SPEN: variants seen among roughly 807,000 people sequenced by gnomAD.
The protein encoded by SPEN is spen family transcriptional repressor, also known as msx2-interacting protein.
In SPEN, 18 loss-of-function variants were observed where a neutral mutation model predicts 269.9. The observed-to-expected ratio is 0.07, with a 90% CI of 0.05 to 0.10. The LOEUF (loss-of-function observed/expected upper bound fraction) is 0.10, where lower values mean the gene tolerates loss of function less well. SPEN is among the 10% of genes least tolerant of loss of function. The pLI is 1.00. For synonymous variants in SPEN, 1,726 were observed against 1,765.7 expected (o/e 0.98, Z 0.56); for missense variants, 3,822 against 4,631.2 (o/e 0.83, Z 5.07).
rs1458552529 is a variant in SPEN at position 15,928,853 on chromosome 1, C to T, written c.2613C>T (p.Arg871=). 2 of 1,614,052 alleles carry T rather than the reference C, an allele frequency of 1.2e-6. No homozygotes were observed. The highest frequency in any genetic ancestry group is 1.7e-6 in the Non-Finnish European group (2 of 1,179,976). ...ACAAAGAGGGAATAGCGAAAAACCG[C>T]CTGGAACTCATGCCTTGCGTGGTTT... ...KADKEGIAKN[R]LELMPCVVLT... The change falls in exon 11 of 15, where the codon CGC becomes CGT. Residue 871 remains arginine (R), a synonymous_variant. Coordinates refer to ENST00000375759, the MANE Select transcript of SPEN (RefSeq NM_015001.3). The surrounding 1 kb of genome is among the most constrained non-coding windows in gnomAD (Gnocchi z 5.7).
chr1:15,937,587 A>T lies in SPEN; in HGVS notation c.10451A>T (p.Gln3484Leu). 1 of 1,614,094 alleles carries T rather than the reference A, an allele frequency of 6.2e-7. No individual in the cohort carries two copies. The highest frequency in any genetic ancestry group is 1.1e-5 in the South Asian group (1 of 91,080). Residue 3484 changes from glutamine to leucine, a missense_variant, in exon 12 of 15, where the codon CAA (glutamine) becomes CTA (leucine). This residue lies in a region of SPEN where 359 missense variants were observed against 377.3 expected (regional missense o/e 0.95). Coordinates refer to ENST00000375759, the MANE Select transcript of SPEN (RefSeq NM_015001.3). This position sits in a 1 kb window ranked among gnomAD's most constrained non-coding sequence, Gnocchi z 5.7. ...ACTGAATTCCAGCCAGCCCCCAAAC[A>T]AGATTCCTCTCCACACCTGACTTCC... ...PHTEFQPAPK[Q>L]DSSPHLTSQR...
At position 15,848,108 on chromosome 1, in the gene SPEN, C is replaced by T; in HGVS notation, c.41C>T (p.Pro14Leu). ...ETRHLWVGNL[P>L]ENVREEKIIE... ...AGGCATCTCTGGGTGGGCAACTTAC[C>T]CGAGAACGTGCGGGAAGAGAAGATC... The change falls in exon 1 of 15, where the codon CCC becomes CTC. Residue 14 changes from proline (P) to leucine (L), a missense_variant. Transcript: ENST00000375759. This position sits in a 1 kb window ranked among gnomAD's most constrained non-coding sequence, Gnocchi z 5.1. 1 of 1,497,128 alleles carries T rather than the reference C, an allele frequency of 6.7e-7. No individual in the cohort carries two copies. The highest frequency in any genetic ancestry group is 1.4e-5 in the African/African-American group (1 of 69,562). 92.7% of individuals were successfully genotyped at this position (1,497,128 alleles called of 1,614,324 possible).
intron 3 of SPEN, among the ~76,000 whole-genome samples, chr1:15,903,337 A>G (rs952898742): frequency 1.1e-4 from 17 of 152,226 alleles, no homozygotes; most frequent in Non-Finnish European, 1.5e-5. Context: ...AATAATCTTA[A>G]TTACAAATTA....
At position 15,916,113 on chromosome 1, in the gene SPEN, C is replaced by T. The variant is rs2071064969; in HGVS notation, c.1244-15C>T. 1 of 1,605,166 alleles carries T rather than the reference C, an allele frequency of 6.2e-7. No homozygotes were observed. The highest frequency in any genetic ancestry group is 8.5e-7 in the Non-Finnish European group (1 of 1,177,074). On this transcript the variant is annotated splice_polypyrimidine_tract_variant and intron_variant, in intron 5 of 14. Transcript: ENST00000375759. ...ACTGTCTTCTCTTTTTACTCGGCCC[C>T]CATTCCACTTACAGAAACAGAAAGT...
At chr1:15,919,134 CTTA>C (rs2071092098) in intron 7 of SPEN, 83 bp downstream of exon 7, 11 of 1,219,674 alleles carry the variant, frequency 9.0e-6, no homozygotes, top group Non-Finnish European at 1.3e-5. Context: ...TTGCATATGC[CTTA>C]TTATTTAAGA....
intron 4 of SPEN, among the ~76,000 whole-genome samples, chr1:15,910,817 G>A (rs190175659): frequency 1.3e-5 from 2 of 152,026 alleles, no homozygotes; most frequent in East Asian, 1.9e-4. Flanking sequence ...CAATAATCTC[G>A]AAACCGTGTT....
intron 11 of SPEN, among the ~76,000 whole-genome samples, chr1:15,936,911 A>C (rs902038897): frequency 3.3e-5 from 5 of 152,164 alleles, no homozygotes; most frequent in Admixed American, 1.3e-4. Context: ...ATTAGATCAC[A>C]TCATGGGGAG....
chr1:15,939,420 C>A lies in SPEN; in HGVS notation c.10988C>A (p.Ser3663Tyr), dbSNP rs1238043479. ...ISPHLMIVIASV is the reference protein window; with the variant it reads ...ISPHLMIVIAYV ...CCCCACCTCATGATTGTCATTGCCT[C>A]CGTGTGAGCCACTGAGTGGTTATCA... is the stretch of plus-strand genomic sequence containing the variant. Residue 3663 changes from serine (S) to tyrosine (Y), a missense_variant, in exon 15 of 15, where the codon TCC becomes TAC. By Grantham distance (144) the Ser-to-Tyr change is moderately radical. This residue lies in a region of SPEN where 103 missense variants were observed against 215.8 expected (regional missense o/e 0.48). Coordinates refer to ENST00000375759, the MANE Select transcript of SPEN (RefSeq NM_015001.3). The surrounding 1 kb of genome is among the most constrained non-coding windows in gnomAD (Gnocchi z 4.1). The A allele has an allele frequency of 6.3e-7, 1 of 1,594,024 alleles. No homozygotes were observed. The highest frequency in any genetic ancestry group is 8.5e-7 in the Non-Finnish European group (1 of 1,170,250).
At chr1:15,887,568 T>G (rs888051320) in intron 3 of SPEN, among the ~76,000 whole-genome samples, 1 of 151,620 alleles carries the variant, frequency 6.6e-6, no homozygotes, top group African/African-American at 2.4e-5. Context: ...GTGCTGGGAT[T>G]ACAGGCGTGA....
At position 15,929,624 on chromosome 1, in the gene SPEN, C is replaced by T. The variant is rs140864111; in HGVS notation, c.3384C>T (p.Asp1128=). 216 of 1,614,078 alleles carry T rather than the reference C, an allele frequency of 1.3e-4. No individual in the cohort carries two copies. In the African/African-American group the frequency reaches 2.4e-3, roughly 18 times the overall value. ...ATGATCAAGGACCAGAGAGAGAAGA[C>T]GTTAGGAAAAACTATTGCAGTCTTC... ...VLDDQGPERE[D]VRKNYCSLRD... Residue 1128 remains aspartate, a synonymous_variant, in exon 11 of 15, where the codon GAC becomes GAT. Coordinates refer to ENST00000375759, the MANE Select transcript of SPEN (RefSeq NM_015001.3). The surrounding 1 kb of genome is among the most constrained non-coding windows in gnomAD (Gnocchi z 5.8).
At chr1:15,864,336 G>C (rs925657509) in intron 1 of SPEN, among the ~76,000 whole-genome samples, 1 of 151,962 alleles carries the variant, frequency 6.6e-6, no homozygotes, top group South Asian at 2.1e-4. Context: ...GCCTGGCTAA[G>C]TTTTGTACTT....
intron 3 of SPEN, among the ~76,000 whole-genome samples, chr1:15,908,109 C>T (rs1385966295): frequency 5.3e-5 from 8 of 152,120 alleles, no homozygotes; most frequent in Admixed American, 4.6e-4. Flanking sequence ...TTAAAAATTG[C>T]ACCTACCTGG....
intron 5 of SPEN, among the ~76,000 whole-genome samples, chr1:15,914,693 G>A (rs957144257): frequency 3.3e-5 from 5 of 152,144 alleles, no homozygotes; most frequent in African/African-American, 9.6e-5. Flanking sequence ...GCATGATGGC[G>A]GGCACCTGTA....
intron 2 of SPEN, 100 bp downstream of exon 2, chr1:15,873,236 A>T (rs1329947302): frequency 7.0e-7 from 1 of 1,432,004 alleles, no homozygotes; most frequent in African/African-American, 1.4e-5. Flanking sequence ...AGTTTTGGGC[A>T]TTCTCAATGT....
At chr1:15,936,851 G>A (rs2071280036) in intron 11 of SPEN, among the ~76,000 whole-genome samples, 1 of 152,182 alleles carries the variant, frequency 6.6e-6, no homozygotes, top group African/African-American at 2.4e-5. Context: ...CCCTAAAGAT[G>A]TTGATCTTTT....
At chr1:15,891,189 A>G (rs146393835) in intron 3 of SPEN, among the ~76,000 whole-genome samples, 3 of 152,222 alleles carry the variant, frequency 2.0e-5, no homozygotes, top group Admixed American at 1.3e-4. Flanking sequence ...AATAATTGCT[A>G]TGAAAAAAAT....
At chr1:15,864,403 C>A (rs1376652587) in intron 1 of SPEN, among the ~76,000 whole-genome samples, 17 of 150,696 alleles carry the variant, frequency 1.1e-4, no homozygotes, top group African/African-American at 4.1e-4. Context: ...CTCCTGACCT[C>A]AAGTGATCTG....
chr1:15,851,484 TTTAG>T (rs1407805769), intron 1 of SPEN, among the ~76,000 whole-genome samples: 1 of 152,156 alleles, frequency 6.6e-6, no homozygotes, highest in Non-Finnish European at 1.5e-5. Context: ...GTTCCTGTCT[TTTAG>T]TTATGAGAGG....
intron 3 of SPEN, among the ~76,000 whole-genome samples, chr1:15,891,649 C>CTTGTTTT (rs922128049): frequency 5.9e-5 from 9 of 151,932 alleles, no homozygotes; most frequent in African/African-American, 9.7e-5. Context: ...CGCGCCCGGC[C>CTTGTTTT]TTGTTTTTTG....
Sources: allele counts gnomAD v4.1 joint callset (sites outside exome capture counted in the v4.1 genomes callset), GRCh38; gene constraint gnomAD v4.1.1; regional missense constraint gnomAD v4.1.1; non-coding constraint Gnocchi (gnomAD v3.1); transcripts MANE v1.5; gene names NCBI Gene and HGNC (gene_info 2026-07-23, HGNC 2026-07-21).